LYST: variants seen among roughly 807,000 people sequenced by gnomAD.
The protein encoded by LYST is lysosomal-trafficking regulator.
In LYST, 192 loss-of-function variants were observed where a neutral mutation model predicts 413.6. The ratio of observed to expected loss-of-function variants is 0.46; its 90% CI spans 0.41 to 0.52. The LOEUF is 0.52. Ranked by LOEUF, LYST falls within the 20% of genes least tolerant of loss-of-function variation. The pLI is 0.00. For missense variants in LYST, 3,815 were observed against 4,499.9 expected, an observed-to-expected ratio of 0.85 and a Z score of 4.35; for synonymous variants, 1,525 against 1,567.3, an observed-to-expected ratio of 0.97 and a Z score of 0.64.
At chr1:235,875,534 A>C (rs1305862438) in intron 1 of LYST, among the ~76,000 whole-genome samples, 1 of 152,178 alleles carries the variant, frequency 6.6e-6, no homozygotes, top group Non-Finnish European at 1.5e-5. Context: ...AAGGATAAAA[A>C]TTTACCCTAA....
At position 235,731,047 on chromosome 1, in the gene LYST, TA is replaced by T; in HGVS notation, c.8931del (p.Asp2977GlufsTer38). On this transcript the variant is annotated frameshift_variant, in exon 35 of 53. Coordinates refer to ENST00000389793, the MANE Select transcript of LYST (RefSeq NM_000081.4). LOFTEE classifies it high-confidence loss of function. ...CCACTATTACCTTCTGATTTCTGTC[TA>T]TCCCTAAGGAGATACTTATTTGGAA... is the stretch of plus-strand genomic sequence containing the variant. ...LTIPNKYLLR[D>X]RQKSEDVVKP... 6.2e-7 allele frequency: 1 copy of T among 1,613,610 alleles called. No individual in the cohort carries two copies. The highest frequency in any genetic ancestry group is 8.5e-7 in the Non-Finnish European group (1 of 1,179,514).
intron 1 of LYST, among the ~76,000 whole-genome samples, chr1:235,845,471 G>A (rs1218652137): frequency 5.9e-5 from 9 of 152,154 alleles, no homozygotes; most frequent in Non-Finnish European, 7.3e-5. Context: ...ATTTGAACGC[G>A]GTGAGAAGCC....
rs765302634 is a variant in LYST, at chr1:235,753,047, T to G, written c.7457A>C (p.Lys2486Thr). The G allele has an allele frequency of 6.7e-7, 1 of 1,489,578 alleles. No individual in the cohort carries two copies. Among genetic ancestry groups the G allele is most frequent in the South Asian group, 1.1e-5 (1 of 87,958 alleles). 92.3% of individuals were successfully genotyped at this position (1,489,578 alleles called of 1,614,324 possible). A position where few individuals can be genotyped will look rare whatever the true frequency, so the allele number is the denominator to read the frequency against. The part of the protein sequence containing the change: ...NTVAALNGLE[K>T]NIPMSEYKLL... ...TAAATAATAATTTTAAACTTACTTC[T>G]TTTCTAATCCATTCAGGGCTGCTAC... The change falls in exon 26 of 53, where the codon AAG (lysine) becomes ACG (threonine). Residue 2486 changes from lysine (K) to threonine (T), a missense_variant. By Grantham distance (78) the Lys-to-Thr change is moderately conservative (BLOSUM62 -1). This residue lies in a region of LYST where 771 missense variants were observed against 837.1 expected (regional missense o/e 0.92). Coordinates refer to ENST00000389793, the MANE Select transcript of LYST (RefSeq NM_000081.4).
intron 46 of LYST, among the ~76,000 whole-genome samples, chr1:235,695,130 G>A (rs1453057517): frequency 6.6e-6 from 1 of 152,180 alleles, no homozygotes; most frequent in Admixed American, 6.5e-5. Flanking sequence ...AGACCCTAGG[G>A]TATTTACAGG....
intron 18 of LYST, 72 bp from the exon 19 acceptor site, chr1:235,774,063 G>A (rs1668976856): frequency 9.8e-7 from 1 of 1,017,438 alleles, no homozygotes; most frequent in South Asian, 1.3e-5. Context: ...GAAACATTAA[G>A]CTTTCAATTT....
intron 7 of LYST, 93 bp downstream of exon 7, chr1:235,804,411 T>C: frequency 2.1e-6 from 2 of 966,502 alleles, no homozygotes; most frequent in South Asian, 1.3e-5. Context: ...GTCCATATGC[T>C]CTAATGACAT....
At chr1:235,758,875 T>C in intron 23 of LYST, 97 bp downstream of exon 23, 2 of 1,024,394 alleles carry the variant, frequency 2.0e-6, no homozygotes, top group Admixed American at 3.6e-5. Context: ...GTTTGTTGTA[T>C]TATAAGTGGC....
chr1:235,842,931 C>T (rs1677377909), intron 1 of LYST, among the ~76,000 whole-genome samples: 2 of 152,162 alleles, frequency 1.3e-5, no homozygotes, highest in Admixed American at 6.5e-5. Context: ...CATTTATCTT[C>T]TTGACACAGA....
At position 235,702,959 on chromosome 1, in the gene LYST, C is replaced by T; in HGVS notation, c.10162G>A (p.Val3388Ile). ...FHPATYFGMD[V>I]SAVEDPVQRR... is the part of the protein sequence containing the mutation. ...TGAACTGGATCTTCAACTGCAGAGA[C>T]ATCCATTCCAAAATATGTCTGCAGA... is the stretch of plus-strand genomic sequence containing the variant. Residue 3388 changes from valine to isoleucine, a missense_variant, in exon 45 of 53, where the codon GTC (valine) becomes ATC (isoleucine). By Grantham distance (29) the Val-to-Ile change is conservative. This residue lies in a region of LYST where 866 missense variants were observed against 1,156.0 expected (regional missense o/e 0.75). Coordinates refer to ENST00000389793, the MANE Select transcript of LYST (RefSeq NM_000081.4). 1.2e-6 allele frequency: 2 copies of T among 1,613,394 alleles called. No homozygotes were observed. Among genetic ancestry groups the T allele is most frequent in the Non-Finnish European group, 1.7e-6 (2 of 1,179,366 alleles).
At chr1:235,687,445 G>A (rs1174256834) in intron 47 of LYST, among the ~76,000 whole-genome samples, 1 of 152,096 alleles carries the variant, frequency 6.6e-6, no homozygotes, top group Non-Finnish European at 1.5e-5. Flanking sequence ...CTCGTTTTAT[G>A]TCTTTGGTGG....
chr1:235,663,585 C>T (rs1658197326), intron 52 of LYST, among the ~76,000 whole-genome samples: 1 of 152,092 alleles, frequency 6.6e-6, no homozygotes, highest in Admixed American at 6.5e-5. Flanking sequence ...AAATTTGAAT[C>T]ACTTTATTTC....
At chr1:235,879,776 G>A (rs189370135) in intron 1 of LYST, among the ~76,000 whole-genome samples, 181 of 148,398 alleles carry the variant, frequency 1.2e-3, no homozygotes, top group Admixed American at 9.9e-3. Flanking sequence ...TCGCTCTGTC[G>A]CCCAGGCTGG....
chr1:235,792,775 T>C (rs1464732308), intron 11 of LYST, among the ~76,000 whole-genome samples: 1 of 152,010 alleles, frequency 6.6e-6, no homozygotes, highest in Non-Finnish European at 1.5e-5. Context: ...GCAATTCTCC[T>C]GCCTCAGCCT....
In LYST at chr1:235,805,983, T is replaced by C. The variant is rs143285898; in HGVS notation, c.3153A>G (p.Glu1051=). ...LAIKSDPIPS[E]LGSLKKSADS... is the part of the protein sequence containing the mutation. ...CAGCACTCTTTTTTAGACTACCTAG[T>C]TCTGATGGTATGGGGTCACTTTTTA... Residue 1051 remains glutamate, a synonymous_variant, in exon 6 of 53, where the codon GAA becomes GAG. Transcript: ENST00000389793. 2.1e-5 allele frequency: 34 copies of C among 1,613,700 alleles called. No homozygotes were observed. Among genetic ancestry groups the C allele is most frequent in the African/African-American group, 4.0e-5 (3 of 74,932 alleles).
chr1:235,741,606 G>C lies in LYST; in HGVS notation c.8174C>G (p.Ser2725Cys), dbSNP rs920212612. Residue 2725 changes from serine (S) to cysteine (C), a missense_variant, in exon 31 of 53, where the codon TCC (serine) becomes TGC (cysteine). Coordinates refer to ENST00000389793, the MANE Select transcript of LYST (RefSeq NM_000081.4). Reference protein sequence around the residue: ...VSIGSSKASGSKQQWTKILWS... With the variant: ...VSIGSSKASGCKQQWTKILWS... ...CAGAATTTTAGTCCATTGCTGCTTG[G>C]AACCACTGGCTTTACTTGAACCCTA... 3.7e-6 allele frequency: 6 copies of C among 1,613,836 alleles called. No individual in the cohort carries two copies. The highest frequency in any genetic ancestry group is 5.1e-6 in the Non-Finnish European group (6 of 1,179,894).
intron 2 of LYST, among the ~76,000 whole-genome samples, chr1:235,831,608 C>T (rs10926827): frequency 0.44 from 67,558 of 151,880 alleles, 16,272 homozygotes; most frequent in African/African-American, 0.61. Flanking sequence ...TCCTGTTCAT[C>T]CTGGGACCTC....
chr1:235,738,967 T>C, intron 31 of LYST: 5 of 724,502 alleles, frequency 6.9e-6, no homozygotes, highest in South Asian at 2.8e-5. Context: ...CTTTGGGGGA[T>C]ACAAAAAGAG....
intron 44 of LYST, among the ~76,000 whole-genome samples, chr1:235,707,352 C>A (rs1159729016): frequency 6.6e-6 from 1 of 152,092 alleles, no homozygotes; most frequent in Non-Finnish European, 1.5e-5. Flanking sequence ...GTAGGCCAGA[C>A]ATGGTGGCTC....
rs1571969464 is a variant in LYST, at chr1:235,674,605, T to G, written c.11038+2486A>C. 6.6e-6 allele frequency among the ~76,000 whole-genome samples: 1 copy of G among 152,206 alleles called. No homozygotes were observed. The highest frequency in any genetic ancestry group is 1.9e-4 in the East Asian group (1 of 5,192). On this transcript the variant is annotated intron_variant, in intron 50 of 52. Transcript: ENST00000389793. The surrounding 1 kb of genome is among the most constrained non-coding windows in gnomAD (Gnocchi z 4.1). ...TACGTTTATTATAATCAACAGTGGTTTGCTAACTATACTAGGGATGCCATT... is the reference window on the plus strand; with the variant it reads ...TACGTTTATTATAATCAACAGTGGTGTGCTAACTATACTAGGGATGCCATT...
Sources: gnomAD v4.1 joint callset for allele counts (sites outside exome capture counted in the v4.1 genomes callset) on GRCh38, gnomAD v4.1.1 for gene constraint, gnomAD v4.1.1 regional missense constraint, Gnocchi (gnomAD v3.1) non-coding constraint, MANE v1.5 for transcripts, NCBI Gene and HGNC (gene_info 2026-07-23, HGNC 2026-07-21) for gene names.